Variants in PDIA5 observed in about 807,000 individuals in gnomAD.
PDIA5 encodes protein disulfide-isomerase A5.
Under a neutral mutation model 77.6 loss-of-function variants are expected in PDIA5, and 58 were observed. The ratio of observed to expected loss-of-function variants is 0.75; its 90% CI spans 0.61 to 0.93. PDIA5 has a LOEUF of 0.93. PDIA5 is among the 40% of genes least tolerant of loss of function. The pLI is 0.00. For missense variants in PDIA5, 630 were observed against 647.7 expected, an observed-to-expected ratio of 0.97 and a Z score of 0.30; for synonymous variants, 250 against 252.1, an observed-to-expected ratio of 0.99 and a Z score of 0.08.
chr3:123,094,446 A>G lies in PDIA5; in HGVS notation c.257+2004A>G, dbSNP rs912971832. The stretch of plus-strand genomic sequence containing the variant: ...CTCTAGGCGGCAGCTGTCACGAACC[A>G]CTGTTAGAAAAGGAGATCTCCAAGA... On this transcript the variant is annotated intron_variant, in intron 3 of 16. Transcript: ENST00000316218. Among the ~76,000 whole-genome samples, 5 of 152,332 alleles carry G rather than the reference A, an allele frequency of 3.3e-5. No homozygotes were observed. The East Asian group carries it at 5.8e-4, about 18-fold the overall frequency.
intron 11 of PDIA5, among the ~76,000 whole-genome samples, chr3:123,139,156 CA>C (rs1283123136): frequency 6.6e-6 from 1 of 152,140 alleles, no homozygotes; most frequent in African/African-American, 2.4e-5. Flanking sequence ...GGAAGTTTAG[CA>C]ATAAAACTTA....
At chr3:123,089,366 AGGAGAC>A in intron 2 of PDIA5, 72 bp downstream of exon 2, 1 of 1,475,418 alleles carries the variant, frequency 6.8e-7, no homozygotes, top group Non-Finnish European at 9.4e-7. Flanking sequence ...AGTGGGAGGC[AGGAGAC>A]GTTAGGATGA....
Position 123,150,233 on chromosome 3 carries a change from G to C in PDIA5, c.1143-1G>C. 1 of 1,610,878 alleles carries C rather than the reference G, an allele frequency of 6.2e-7. No homozygotes were observed. Among genetic ancestry groups the C allele is most frequent in the Non-Finnish European group, 8.5e-7 (1 of 1,178,230 alleles). ...CTCCCCACTCCCCTGGCTTCTTGCA[G>C]CCCTGAGGCCCCCCCGCCCCCAGAG... On this transcript the variant is annotated splice_acceptor_variant, in intron 13 of 16. Coordinates refer to ENST00000316218, the MANE Select transcript of PDIA5 (RefSeq NM_006810.4). LOFTEE classifies it high-confidence loss of function.
At chr3:123,112,977 G>A (rs2107943979) in intron 7 of PDIA5, among the ~76,000 whole-genome samples, 1 of 152,314 alleles carries the variant, frequency 6.6e-6, no homozygotes, top group East Asian at 1.9e-4. Flanking sequence ...CTCACTTGCT[G>A]TAGATCCAGC....
chr3:123,104,838 C>T (rs546368153), intron 5 of PDIA5, among the ~76,000 whole-genome samples: 47 of 152,268 alleles, frequency 3.1e-4, no homozygotes, highest in Non-Finnish European at 4.9e-4. Flanking sequence ...ACTCAGAGCA[C>T]CCAGAATAGG....
chr3:123,153,268 G>C (rs1173356570), intron 14 of PDIA5, among the ~76,000 whole-genome samples: 1 of 152,192 alleles, frequency 6.6e-6, no homozygotes, highest in Non-Finnish European at 1.5e-5. Context: ...TTTTGAGGAA[G>C]GGGGGTGGTT....
chr3:123,149,069 G>A (rs918861078), intron 13 of PDIA5, among the ~76,000 whole-genome samples: 3 of 152,216 alleles, frequency 2.0e-5, no homozygotes, highest in Non-Finnish European at 4.4e-5. Context: ...AGAGAAGCTG[G>A]AGGACAAAGA....
chr3:123,116,016 T>A (rs1200180722), intron 7 of PDIA5, among the ~76,000 whole-genome samples: 1 of 152,266 alleles, frequency 6.6e-6, no homozygotes, highest in East Asian at 1.9e-4. Context: ...TGCTGGGCAG[T>A]GCCTTGTTTT....
rs200210563 is a variant in PDIA5, at chr3:123,097,694, CT to C, written c.258-4716del. Among the ~76,000 whole-genome samples, 1,039 of 152,096 alleles carry C rather than the reference CT, an allele frequency of 6.8e-3. 16 individuals carry two copies. Among genetic ancestry groups the C allele is most frequent in the African/African-American group, 0.023 (970 of 41,384 alleles). On this transcript the variant is annotated intron_variant, in intron 3 of 16. Transcript: ENST00000316218. ...CTTGCTCAGCACTCGCCCCCGCCCC[CT>C]CCCCCTCCATTTTCTTCATGTCCTT...
At chr3:123,130,968 C>G (rs904612502) in intron 11 of PDIA5, among the ~76,000 whole-genome samples, 12 of 152,118 alleles carry the variant, frequency 7.9e-5, no homozygotes, top group Non-Finnish European at 1.5e-4. Context: ...CAGACTGGGC[C>G]TGGAAATAAA....
intron 6 of PDIA5, among the ~76,000 whole-genome samples, chr3:123,108,916 G>A (rs1240479903): frequency 6.6e-6 from 1 of 151,894 alleles, no homozygotes; most frequent in Non-Finnish European, 1.5e-5. Context: ...AGGGAAAGAG[G>A]GGCAAGTGCC....
intron 7 of PDIA5, among the ~76,000 whole-genome samples, chr3:123,113,679 A>G (rs1934923728): frequency 6.6e-6 from 1 of 152,196 alleles, no homozygotes; most frequent in Non-Finnish European, 1.5e-5. Flanking sequence ...ATCATAATTC[A>G]GCTGATTCCT....
chr3:123,124,076 G>A lies in PDIA5; in HGVS notation c.620G>A (p.Gly207Glu), dbSNP rs968989394. Reference protein sequence around the residue: ...TQLRGHAVLAGMNVYSSEFEN... With the variant: ...TQLRGHAVLAEMNVYSSEFEN... ...TCCGCTTCCTCCCAGGTGCTGGCCGGGATGAATGTCTACTCCTCTGAATTT... is the reference window on the plus strand; with the variant it reads ...TCCGCTTCCTCCCAGGTGCTGGCCGAGATGAATGTCTACTCCTCTGAATTT... Residue 207 changes from glycine (G) to glutamate (E), a missense_variant, in exon 9 of 17, where the codon GGG becomes GAG. Coordinates refer to ENST00000316218, the MANE Select transcript of PDIA5 (RefSeq NM_006810.4). 4 of 1,613,418 alleles carry A rather than the reference G, an allele frequency of 2.5e-6. No homozygotes were observed. The highest frequency in any genetic ancestry group is 2.7e-5 in the African/African-American group (2 of 74,908).
rs534590283 is a variant in PDIA5 at position 123,102,259 on chromosome 3, A to G, written c.258-152A>G. On this transcript the variant is annotated intron_variant, in intron 3 of 16. Coordinates refer to ENST00000316218, the MANE Select transcript of PDIA5 (RefSeq NM_006810.4). ...GCCTGCTAGTTAGTCTCCACCCTCT[A>G]GCTCTCACAGCCCATCTATAGTAAG... is the stretch of plus-strand genomic sequence containing the variant. 43 of 654,296 alleles carry G rather than the reference A, an allele frequency of 6.6e-5. 1 individual carries two copies. In the South Asian group the frequency reaches 7.2e-4, roughly 11 times the overall value. 40.5% of individuals were successfully genotyped at this position (654,296 alleles called of 1,614,324 possible). A position where few individuals can be genotyped will look rare whatever the true frequency, so the allele number is the denominator to read the frequency against.
At chr3:123,096,755 A>G (rs1211952814) in intron 3 of PDIA5, among the ~76,000 whole-genome samples, 3 of 151,956 alleles carry the variant, frequency 2.0e-5, no homozygotes, top group Admixed American at 2.0e-4. Flanking sequence ...TCAGACCTCA[A>G]CAGCCACGCT....
At chr3:123,108,778 C>A (rs925059200) in intron 6 of PDIA5, among the ~76,000 whole-genome samples, 1 of 151,764 alleles carries the variant, frequency 6.6e-6, no homozygotes, top group East Asian at 2.0e-4. Flanking sequence ...CCCAGCTACT[C>A]GGGAGACTGA....
chr3:123,120,996 G>T (rs1935102671), intron 8 of PDIA5, among the ~76,000 whole-genome samples: 1 of 152,172 alleles, frequency 6.6e-6, no homozygotes, highest in Non-Finnish European at 1.5e-5. Context: ...TTTGAGGGTT[G>T]CTTTCTTACT....
rs140341357 is a variant in PDIA5 at position 123,161,333 on chromosome 3, G to A, written c.1357G>A (p.Ala453Thr). Residue 453 changes from alanine to threonine, a missense_variant, in exon 16 of 17, where the codon GCT becomes ACT. Coordinates refer to ENST00000316218, the MANE Select transcript of PDIA5 (RefSeq NM_006810.4). ...CCTTGGCTCCTAGATTGCCTGTGCCGCTGTTGACTGTGTCAAAGACAAGAA... is the reference window on the plus strand; with the variant it reads ...CCTTGGCTCCTAGATTGCCTGTGCCACTGTTGACTGTGTCAAAGACAAGAA... ...FKDDRKIACA[A>T]VDCVKDKNQD... 7.6e-5 allele frequency: 123 copies of A among 1,613,846 alleles called. No homozygotes were observed. Among genetic ancestry groups the A allele is most frequent in the Non-Finnish European group, 9.2e-5 (108 of 1,179,942 alleles).
chr3:123,123,974 T>G, intron 8 of PDIA5, 92 bp from the exon 9 acceptor site: 1 of 823,382 alleles, frequency 1.2e-6, no homozygotes. Flanking sequence ...CATATGTCTT[T>G]CTGGTGGGAC....
Sources: gnomAD v4.1 joint callset for allele counts (sites outside exome capture counted in the v4.1 genomes callset) on GRCh38, gnomAD v4.1.1 for gene constraint, MANE v1.5 for transcripts, NCBI Gene and HGNC (gene_info 2026-07-23, HGNC 2026-07-21) for gene names.